The following PROKR1 variants were observed in gnomAD, a reference collection of about 807,000 sequenced individuals.
The protein encoded by PROKR1 is prokineticin receptor 1, also known as G protein-coupled receptor 73.
A neutral mutation model predicts 22.8 loss-of-function variants in PROKR1; 21 were observed. The ratio of observed to expected loss-of-function variants is 0.92; its 90% CI spans 0.65 to 1.32. PROKR1 has a LOEUF of 1.32. PROKR1 is among the 40% of genes most tolerant of loss of function. The pLI, the probability that PROKR1 is intolerant of heterozygous loss-of-function variation, is 0.00. For missense variants in PROKR1, 548 were observed against 514.2 expected (o/e 1.07, Z -0.64); for synonymous variants, 193 against 207.5 (o/e 0.93, Z 0.60).
Position 68,651,903 on chromosome 2 carries a change from G to A in PROKR1, c.486-2977G>A, listed in dbSNP as rs116869881. On this transcript the variant is annotated intron_variant, in intron 2 of 2. Transcript: ENST00000303786. The stretch of plus-strand genomic sequence containing the variant: ...CTGTAGTGGCAGACACACAGGGCAA[G>A]CCAAGGGCATACATATAAGCAGAGA... Among the ~76,000 whole-genome samples, 62 of 152,362 alleles carry A rather than the reference G, an allele frequency of 4.1e-4. No individual in the cohort carries two copies. The East Asian group carries it at 9.6e-3, about 24-fold the overall frequency.
intron 2 of PROKR1, among the ~76,000 whole-genome samples, chr2:68,647,120 A>G (rs1673203647): frequency 6.6e-6 from 1 of 152,198 alleles, no homozygotes; most frequent in African/African-American, 2.4e-5. Context: ...ACATATGTTT[A>G]TTTACTTTTT....
In PROKR1 at chr2:68,657,305, C is replaced by T. The variant is rs769320076; in HGVS notation, c.*1729C>T. ...GGACAAGAAAAACCTCTTACTTTGG[C>T]TTGTGTATCCAGAAACCTGGCCGTC... On this transcript the variant is annotated 3_prime_UTR_variant, in exon 3 of 3. Transcript: ENST00000303786. 1.1e-4 allele frequency: 16 copies of T among 152,190 alleles called. No homozygotes were observed. Among genetic ancestry groups the T allele is most frequent in the Admixed American group, 7.2e-4 (11 of 15,280 alleles). 9.4% of individuals were successfully genotyped at this position (152,190 alleles called of 1,614,324 possible). A position where few individuals can be genotyped will look rare whatever the true frequency, so the allele number is the denominator to read the frequency against.
chr2:68,647,700 G>A (rs1405696516), intron 2 of PROKR1, among the ~76,000 whole-genome samples: 1 of 152,148 alleles, frequency 6.6e-6, no homozygotes, highest in Non-Finnish European at 1.5e-5. Context: ...CCTTCTCTAG[G>A]GAAGGACATC....
chr2:68,644,239 C>T (rs976691349), intron 1 of PROKR1, among the ~76,000 whole-genome samples: 13 of 152,218 alleles, frequency 8.5e-5, no homozygotes, highest in Admixed American at 3.9e-4. Context: ...CTTTTAAACA[C>T]TACTTTGACC....
At chr2:68,649,041 T>C (rs762786188) in intron 2 of PROKR1, among the ~76,000 whole-genome samples, 1 of 152,210 alleles carries the variant, frequency 6.6e-6, no homozygotes, top group Non-Finnish European at 1.5e-5. Context: ...TTAACCCTTA[T>C]AGGAATGTCT....
At chr2:68,647,836 C>T (rs1413768737) in intron 2 of PROKR1, among the ~76,000 whole-genome samples, 3 of 152,052 alleles carry the variant, frequency 2.0e-5, no homozygotes, top group African/African-American at 7.2e-5. Flanking sequence ...ACCTGGAGGC[C>T]AAATTCCCTC....
chr2:68,653,824 C>T (rs1673386630), intron 2 of PROKR1, among the ~76,000 whole-genome samples: 2 of 150,554 alleles, frequency 1.3e-5, no homozygotes. Context: ...ACTGTGGTAA[C>T]AGCAATGTGG....
chr2:68,650,686 T>C (rs143881074), intron 2 of PROKR1, among the ~76,000 whole-genome samples: 1,582 of 151,502 alleles, frequency 0.01, 26 homozygotes, highest in African/African-American at 0.037. Flanking sequence ...CCATCTAGAG[T>C]TGGGGGTAGG....
At chr2:68,652,152 T>C (rs1439372759) in intron 2 of PROKR1, among the ~76,000 whole-genome samples, 1 of 152,204 alleles carries the variant, frequency 6.6e-6, no homozygotes, top group East Asian at 1.9e-4. Flanking sequence ...GATATCTAGT[T>C]GTATGGCTTT....
rs1558577607 is a variant in PROKR1 at position 68,646,246 on chromosome 2, AC to A, written c.427del (p.Leu143CysfsTer28). 6.2e-7 allele frequency: 1 copy of A among 1,614,016 alleles called. No homozygotes were observed. Among genetic ancestry groups the A allele is most frequent in the South Asian group, 1.1e-5 (1 of 91,072 alleles). ...CACGTCCTGTGCACCTCTGTCAACT[AC>A]CTGCGCACTGTCTCTCTCTATGTCT... ...HGHVLCTSVN[Y>X]LRTVSLYVST... On this transcript the variant is annotated frameshift_variant, in exon 2 of 3. Coordinates refer to ENST00000303786, the MANE Select transcript of PROKR1 (RefSeq NM_138964.4). LOFTEE classifies it high-confidence loss of function.
chr2:68,655,964 C>G lies in PROKR1; in HGVS notation c.*388C>G. The G allele has an allele frequency of 3.2e-6, 1 of 316,026 alleles. No individual in the cohort carries two copies. Among genetic ancestry groups the G allele is most frequent in the Non-Finnish European group, 6.1e-6 (1 of 164,844 alleles). The allele number at this position is 316,026 out of a possible 1,614,324, so 19.6% of individuals were successfully genotyped here. ...ACATGTGTTCGTAGTGTGAGAGTAT[C>G]TCTGGGACTATTCTTGCACTGGACT... On this transcript the variant is annotated 3_prime_UTR_variant, in exon 3 of 3. Coordinates refer to ENST00000303786, the MANE Select transcript of PROKR1 (RefSeq NM_138964.4).
chr2:68,647,234 A>G (rs1430680582), intron 2 of PROKR1, among the ~76,000 whole-genome samples: 1 of 152,228 alleles, frequency 6.6e-6, no homozygotes, highest in Admixed American at 6.5e-5. Context: ...CAGCCTCTGC[A>G]TATCTTTCTT....
intron 2 of PROKR1, among the ~76,000 whole-genome samples, chr2:68,654,277 T>G (rs1339623377): frequency 2.0e-5 from 3 of 152,146 alleles, no homozygotes; most frequent in Admixed American, 2.0e-4. Flanking sequence ...TGGGAGGAAT[T>G]ATTATATTTA....
intron 2 of PROKR1, among the ~76,000 whole-genome samples, chr2:68,649,173 A>G (rs1224884661): frequency 1.3e-5 from 2 of 152,208 alleles, no homozygotes; most frequent in African/African-American, 4.8e-5. Context: ...AAATGCCAGA[A>G]CAGAACTATT....
chr2:68,645,604 T>G, intron 1 of PROKR1, 58 bp from the exon 2 acceptor site: 1 of 648,076 alleles, frequency 1.5e-6, no homozygotes, highest in South Asian at 1.9e-5. Context: ...ACAGGGTGGT[T>G]TTGAATTTGG....
intron 1 of PROKR1, among the ~76,000 whole-genome samples, chr2:68,644,309 G>C (rs1485622223): frequency 6.6e-6 from 1 of 152,168 alleles, no homozygotes; most frequent in African/African-American, 2.4e-5. Flanking sequence ...TGCGACCCAC[G>C]GGACCTGCAA....
In PROKR1 at chr2:68,657,274, G is replaced by A. The variant is rs980270307; in HGVS notation, c.*1698G>A. On this transcript the variant is annotated 3_prime_UTR_variant, in exon 3 of 3. Coordinates refer to ENST00000303786, the MANE Select transcript of PROKR1 (RefSeq NM_138964.4). ...GGATGGGCTAGGAACTACGTGTAGT[G>A]CGCCTGGACAAGAAAAACCTCTTAC... 4 of 152,202 alleles carry A rather than the reference G, an allele frequency of 2.6e-5. No individual in the cohort carries two copies. Among genetic ancestry groups the A allele is most frequent in the Non-Finnish European group, 5.9e-5 (4 of 68,036 alleles). 9.4% of individuals were successfully genotyped at this position (152,202 alleles called of 1,614,324 possible).
Position 68,655,449 on chromosome 2 carries a change from A to G in PROKR1, c.1055A>G (p.Tyr352Cys). Reference protein sequence around the residue: ...FVTVKNDTVKYFKKIMLLHWK... With the variant: ...FVTVKNDTVKCFKKIMLLHWK... The stretch of plus-strand genomic sequence containing the variant: ...ACCGTCAAGAACGACACCGTCAAGT[A>G]CTTCAAAAAGATCATGTTGCTCCAC... The change falls in exon 3 of 3, where the codon TAC becomes TGC. Residue 352 changes from tyrosine (Y) to cysteine (C), a missense_variant. Transcript: ENST00000303786. The G allele has an allele frequency of 6.2e-7, 1 of 1,614,168 alleles. No homozygotes were observed.
chr2:68,651,998 A>G (rs1418943857), intron 2 of PROKR1, among the ~76,000 whole-genome samples: 9 of 152,164 alleles, frequency 5.9e-5, no homozygotes. Flanking sequence ...GATGGAGAGG[A>G]AAGAGGAGAA....
Sources: gnomAD v4.1 joint callset for allele counts (sites outside exome capture counted in the v4.1 genomes callset) on GRCh38, gnomAD v4.1.1 for gene constraint, MANE v1.5 for transcripts, NCBI Gene and HGNC (gene_info 2026-07-23, HGNC 2026-07-21) for gene names.